GTF3C5: variants seen among roughly 807,000 people sequenced by gnomAD.
GTF3C5 encodes general transcription factor IIIC subunit 5.
In GTF3C5, 47 loss-of-function variants were observed where a neutral mutation model predicts 61.0. That is an observed-to-expected ratio of 0.77 (90% CI 0.61 to 0.98). The LOEUF is 0.98. GTF3C5 is among the 50% of genes least tolerant of loss of function. The pLI is 0.00. For synonymous variants in GTF3C5, 295 were observed against 275.4 expected, an observed-to-expected ratio of 1.07 and a Z score of -0.71; for missense variants, 659 against 703.3, an observed-to-expected ratio of 0.94 and a Z score of 0.71.
rs1368163334 is a variant in GTF3C5, at chr9:133,042,251, G to A, written c.318G>A (p.Glu106=). Residue 106 remains glutamate, a synonymous_variant, in exon 2 of 11, where the codon GAG becomes GAA. Transcript: ENST00000372097. ...TGCTGGGCACTGAGGCCCACTCCGA[G>A]GTCACATTTGACATGGAGATCCTTG... ...KGVLGTEAHS[E]VTFDMEILGI... is the part of the protein sequence containing the mutation. The A allele has an allele frequency of 6.2e-7, 1 of 1,613,784 alleles. No homozygotes were observed. The highest frequency in any genetic ancestry group is 1.1e-5 in the South Asian group (1 of 91,062).
chr9:133,054,632 G>A, intron 7 of GTF3C5, 80 bp from the exon 8 acceptor site: 1 of 1,436,428 alleles, frequency 7.0e-7, no homozygotes, highest in Non-Finnish European at 9.6e-7. Context: ...TGGGCTGGCA[G>A]GAGGGCAGGG....
At position 133,053,851 on chromosome 9, in the gene GTF3C5, A is replaced by G. The variant is rs372585419; in HGVS notation, c.897A>G (p.Leu299=). ...YYMITGPWRS[L]WIRFGYDPRK... Reference sequence around the variant, plus strand: ...AGATAACAGGCCCCTGGCGCAGCCTATGGATTCGATTTGGGTATGACCCCC... The same window carrying G: ...AGATAACAGGCCCCTGGCGCAGCCTGTGGATTCGATTTGGGTATGACCCCC... The change falls in exon 6 of 11, where the codon CTA becomes CTG. Residue 299 remains leucine, a synonymous_variant. Transcript: ENST00000372097. 4.8e-5 allele frequency: 78 copies of G among 1,611,238 alleles called. No homozygotes were observed. The highest frequency in any genetic ancestry group is 6.5e-5 in the Non-Finnish European group (77 of 1,178,246).
chr9:133,033,948 C>T (rs993666248), intron 1 of GTF3C5, among the ~76,000 whole-genome samples: 6 of 152,042 alleles, frequency 3.9e-5, no homozygotes, highest in African/African-American at 1.5e-4. Flanking sequence ...AGCGTTGGGT[C>T]CCATACGTTC....
intron 1 of GTF3C5, among the ~76,000 whole-genome samples, chr9:133,037,008 C>T (rs1220053730): frequency 1.3e-5 from 2 of 152,034 alleles, no homozygotes; most frequent in South Asian, 4.1e-4. Flanking sequence ...GGGTCATCCA[C>T]GTATTGGAGC....
At position 133,058,053 on chromosome 9, in the gene GTF3C5, A is replaced by G. The variant is rs957086453; in HGVS notation, c.*73A>G. ...CCTAATGAGGGAGCCGGGGCTCCCC[A>G]TTGCCACCCACAGTGCCCGGAATGG... On this transcript the variant is annotated 3_prime_UTR_variant, in exon 11 of 11. Coordinates refer to ENST00000372097, the MANE Select transcript of GTF3C5 (RefSeq NM_012087.4). The G allele has an allele frequency of 2.1e-5, 33 of 1,592,692 alleles. No homozygotes were observed. The Admixed American group carries it at 2.1e-4, about 10-fold the overall frequency.
rs116370370 is a variant in GTF3C5 at position 133,055,361 on chromosome 9, G to A, written c.1167+552G>A. On this transcript the variant is annotated intron_variant, in intron 8 of 10. Transcript: ENST00000372097. The stretch of plus-strand genomic sequence containing the variant: ...GGAATCACCTGCTGAGGGAGTGGGT[G>A]GCAGAGATGAGTGCAGCAGAGACGG... 2,914 of 1,324,388 alleles carry A rather than the reference G, an allele frequency of 2.2e-3. 71 individuals carry two copies. The African/African-American group carries it at 0.04, about 18-fold the overall frequency. 82.0% of individuals were successfully genotyped at this position (1,324,388 alleles called of 1,614,324 possible). A position where few individuals can be genotyped will look rare whatever the true frequency, so the allele number is the denominator to read the frequency against.
At chr9:133,035,794 G>A (rs1039727379) in intron 1 of GTF3C5, among the ~76,000 whole-genome samples, 8 of 152,186 alleles carry the variant, frequency 5.3e-5, no homozygotes, top group African/African-American at 1.9e-4. Context: ...CCTGGGACAT[G>A]GACAGTAGCT....
chr9:133,039,817 A>G (rs1849986265), intron 1 of GTF3C5, among the ~76,000 whole-genome samples: 1 of 152,174 alleles, frequency 6.6e-6, no homozygotes, highest in Admixed American at 6.5e-5. Context: ...CAATCTAGTG[A>G]GTTAGATGCC....
intron 4 of GTF3C5, 45 bp downstream of exon 4, chr9:133,051,023 G>T (rs1464881210): frequency 1.6e-5 from 23 of 1,447,350 alleles, no homozygotes; most frequent in Non-Finnish European, 2.1e-5. Flanking sequence ...CAGCCTCTCT[G>T]TTGGCTTCCC....
In GTF3C5 at chr9:133,049,504, A is replaced by G. The variant is rs188876386; in HGVS notation, c.573-1279A>G. ...AAATGGAAACACATTTTAAAAGGTAATGATCACCCGAGTGAATTTGATGAT... is the reference window on the plus strand; with the variant it reads ...AAATGGAAACACATTTTAAAAGGTAGTGATCACCCGAGTGAATTTGATGAT... On this transcript the variant is annotated intron_variant, in intron 3 of 10. Transcript: ENST00000372097. Among the ~76,000 whole-genome samples the G allele has an allele frequency of 3.3e-5, 5 of 152,334 alleles. No individual in the cohort carries two copies. In the East Asian group the frequency reaches 9.7e-4, roughly 29 times the overall value.
In GTF3C5 at chr9:133,058,202, G is replaced by GTAT; in HGVS notation, c.*223_*225dup. The GTAT allele has an allele frequency of 7.5e-7, 1 of 1,333,108 alleles. No homozygotes were observed. Among genetic ancestry groups the GTAT allele is most frequent in the South Asian group, 1.7e-5 (1 of 60,448 alleles). 82.6% of individuals were successfully genotyped at this position (1,333,108 alleles called of 1,614,324 possible). ...GAGGGGTTAGGGACATCCCCAAAGG[G>GTAT]TATACCCTGGCTCTGCCACCCATGA... On this transcript the variant is annotated 3_prime_UTR_variant, in exon 11 of 11. Coordinates refer to ENST00000372097, the MANE Select transcript of GTF3C5 (RefSeq NM_012087.4).
intron 8 of GTF3C5, chr9:133,055,760 G>A (rs1257658956): frequency 5.8e-5 from 77 of 1,333,978 alleles, no homozygotes; most frequent in Middle Eastern, 2.9e-4. Context: ...CCTGCTGCAC[G>A]GGCGGGCTCA....
At chr9:133,036,411 T>C (rs2905084) in intron 1 of GTF3C5, among the ~76,000 whole-genome samples, 92 of 152,184 alleles carry the variant, frequency 6.0e-4, no homozygotes, top group Non-Finnish European at 1.2e-3. Context: ...AGCTTTCTGC[T>C]TTCTTCAGTT....
At position 133,056,894 on chromosome 9, in the gene GTF3C5, G is replaced by T; in HGVS notation, c.1379G>T (p.Arg460Leu). The T allele has an allele frequency of 6.2e-7, 1 of 1,602,726 alleles. No homozygotes were observed. Among genetic ancestry groups the T allele is most frequent in the African/African-American group, 1.3e-5 (1 of 74,502 alleles). The change falls in exon 10 of 11, where the codon CGC (arginine) becomes CTC (leucine). Residue 460 changes from arginine to leucine, a missense_variant. Coordinates refer to ENST00000372097, the MANE Select transcript of GTF3C5 (RefSeq NM_012087.4). ...TCCCTCATGATCCGGCAGACCATCC[G>T]CTCCAAGAGGCCTGGTAAGAGCCGC... ...TMSLMIRQTI[R>L]SKRPALFSSS... is the part of the protein sequence containing the mutation.
intron 3 of GTF3C5, among the ~76,000 whole-genome samples, chr9:133,045,487 C>T (rs1850175623): frequency 1.3e-5 from 2 of 152,186 alleles, no homozygotes; most frequent in Admixed American, 1.3e-4. Context: ...CCAGAAGTAG[C>T]GACTTGGCCT....
At chr9:133,045,011 G>A (rs186978358) in intron 3 of GTF3C5, among the ~76,000 whole-genome samples, 23 of 152,228 alleles carry the variant, frequency 1.5e-4, no homozygotes, top group Admixed American at 1.4e-3. Context: ...AGACCTCAGC[G>A]GCTGTTGGAA....
intron 3 of GTF3C5, among the ~76,000 whole-genome samples, chr9:133,047,761 A>G (rs1850249539): frequency 6.6e-6 from 1 of 152,164 alleles, no homozygotes; most frequent in Admixed American, 6.5e-5. Flanking sequence ...ACCTCAGATG[A>G]TCCGCCTGCC....
At chr9:133,037,060 C>G (rs886175041) in intron 1 of GTF3C5, among the ~76,000 whole-genome samples, 1 of 152,064 alleles carries the variant, frequency 6.6e-6, no homozygotes, top group African/African-American at 2.4e-5. Flanking sequence ...AGAACTTGTT[C>G]TAGAATCTGA....
intron 3 of GTF3C5, among the ~76,000 whole-genome samples, chr9:133,044,888 A>T (rs1445640244): frequency 1.3e-5 from 2 of 149,656 alleles, no homozygotes; most frequent in Non-Finnish European, 3.0e-5. Flanking sequence ...CTCATAGTGC[A>T]CCCACCGCCA....
Sources: gnomAD v4.1 joint callset for allele counts (sites outside exome capture counted in the v4.1 genomes callset) on GRCh38, gnomAD v4.1.1 for gene constraint, MANE v1.5 for transcripts, NCBI Gene and HGNC (gene_info 2026-07-23, HGNC 2026-07-21) for gene names.